The following PCDHGB4 variants were observed in gnomAD, a reference collection of about 807,000 sequenced individuals.
PCDHGB4 encodes the protein protocadherin gamma-B4.
In PCDHGB4, 38 loss-of-function variants were observed where a neutral mutation model predicts 60.5. The ratio of observed to expected loss-of-function variants is 0.63; its 90% CI spans 0.48 to 0.82. The LOEUF (loss-of-function observed/expected upper bound fraction) is 0.82. PCDHGB4 is among the 40% of genes least tolerant of loss of function. The pLI is 0.00. For synonymous variants in PCDHGB4, 456 were observed against 509.7 expected (o/e 0.89, Z 1.42); for missense variants, 1,109 against 1,209.6 (o/e 0.92, Z 1.23).
chr5:141,432,090 A>T lies in PCDHGB4; in HGVS notation c.2397+41809A>T. 1 of 1,614,164 alleles carries T rather than the reference A, an allele frequency of 6.2e-7. No homozygotes were observed. Among genetic ancestry groups the T allele is most frequent in the Non-Finnish European group, 8.5e-7 (1 of 1,180,034 alleles). On this transcript the variant is annotated intron_variant, in intron 1 of 3. Transcript: ENST00000519479. The surrounding 1 kb of genome is among the most constrained non-coding windows in gnomAD (Gnocchi z 6.0). ...ACTCATATCTCGCTGAACGTGGCAG[A>T]CACCAACGACAACCCGCCGGTCTTC... is the stretch of plus-strand genomic sequence containing the variant.
intron 1 of PCDHGB4, chr5:141,400,326 T>A: frequency 6.2e-7 from 1 of 1,614,104 alleles, no homozygotes; most frequent in Non-Finnish European, 8.5e-7. Flanking sequence ...AGTCTGGACC[T>A]GTGGTTCCCC....
chr5:141,421,272 G>A, intron 1 of PCDHGB4: 1 of 1,612,340 alleles, frequency 6.2e-7, no homozygotes, highest in Non-Finnish European at 8.5e-7. Context: ...GGCTGCTGCT[G>A]CTGCTGTGCA....
intron 1 of PCDHGB4, among the ~76,000 whole-genome samples, chr5:141,473,431 G>T (rs541546681): frequency 3.3e-5 from 5 of 152,148 alleles, no homozygotes; most frequent in Non-Finnish European, 7.3e-5. Flanking sequence ...CAGATACTTT[G>T]CTTATGCAAA....
chr5:141,402,430 C>T (rs1026560659), intron 1 of PCDHGB4, among the ~76,000 whole-genome samples: 2 of 151,802 alleles, frequency 1.3e-5, no homozygotes, highest in African/African-American at 4.8e-5. Flanking sequence ...ATTGAAGCAT[C>T]ATAAAAAGGA....
At chr5:141,421,489 G>A in intron 1 of PCDHGB4, 1 of 1,614,094 alleles carries the variant, frequency 6.2e-7, no homozygotes, top group Non-Finnish European at 8.5e-7. Flanking sequence ...CTTGATCACG[G>A]CAGGCAGGAT....
At position 141,486,478 on chromosome 5, in the gene PCDHGB4, C is replaced by T; in HGVS notation, c.2398-8329C>T. The T allele has an allele frequency of 2.5e-6, 4 of 1,614,026 alleles. No homozygotes were observed. The highest frequency in any genetic ancestry group is 3.4e-6 in the Non-Finnish European group (4 of 1,179,854). On this transcript the variant is annotated intron_variant, in intron 1 of 3. Transcript: ENST00000519479. The surrounding 1 kb of genome is among the most constrained non-coding windows in gnomAD (Gnocchi z 5.0). ...CTTCTGATGCTGGGAACCCTCCTCT[C>T]AGTACCCACAGAACTATTTTCCTCA...
In PCDHGB4 at chr5:141,432,198, AC is replaced by A. The variant is rs1345236539; in HGVS notation, c.2397+41918del. ...GTCTCTGTGACCGCCCACGACCCCG[AC>A]TGTGAAGAGAACGCCCAGATCACTT... is the stretch of plus-strand genomic sequence containing the variant. On this transcript the variant is annotated intron_variant, in intron 1 of 3. Coordinates refer to ENST00000519479, the MANE Select transcript of PCDHGB4 (RefSeq NM_003736.4). This position sits in a 1 kb window ranked among gnomAD's most constrained non-coding sequence, Gnocchi z 6.0. 6 of 1,613,998 alleles carry A rather than the reference AC, an allele frequency of 3.7e-6. No homozygotes were observed. Among genetic ancestry groups the A allele is most frequent in the Non-Finnish European group, 4.2e-6 (5 of 1,180,030 alleles).
Position 141,388,112 on chromosome 5 carries a change from C to T in PCDHGB4, c.228C>T (p.Thr76=), listed in dbSNP as rs1399745232. ...LRVSSEKPYF[T]VSAESGELLV... ...TCAGTTCGGAGAAGCCTTACTTCAC[C>T]GTGAGCGCAGAGAGCGGGGAGTTGC... is the stretch of plus-strand genomic sequence containing the variant. Residue 76 remains threonine, a synonymous_variant, in exon 1 of 4, where the codon ACC becomes ACT. Coordinates refer to ENST00000519479, the MANE Select transcript of PCDHGB4 (RefSeq NM_003736.4). The T allele has an allele frequency of 7.1e-7, 1 of 1,408,080 alleles. No individual in the cohort carries two copies. Among genetic ancestry groups the T allele is most frequent in the South Asian group, 1.2e-5 (1 of 80,354 alleles). The allele number at this position is 1,408,080 out of a possible 1,614,324, so 87.2% of individuals were successfully genotyped here.
In PCDHGB4 at chr5:141,511,125, A is replaced by T. The variant is rs755685600; in HGVS notation, c.2724A>T (p.Ala908=). Residue 908 remains alanine, a synonymous_variant, in exon 4 of 4, where the codon GCA becomes GCT. Transcript: ENST00000519479. ...GCAAGCGGGATGGCAAGGCCCCAGCAGGTGGCAATGGCAACAAGAAGAAGT... is the reference window on the plus strand; with the variant it reads ...GCAAGCGGGATGGCAAGGCCCCAGCTGGTGGCAATGGCAACAAGAAGAAGT... ...AAGKRDGKAP[A]GGNGNKKKSG... 2 of 1,614,216 alleles carry T rather than the reference A, an allele frequency of 1.2e-6. No individual in the cohort carries two copies. The highest frequency in any genetic ancestry group is 2.2e-5 in the South Asian group (2 of 91,092).
intron 1 of PCDHGB4, among the ~76,000 whole-genome samples, chr5:141,488,938 A>T (rs1195859645): frequency 6.6e-6 from 1 of 152,154 alleles, no homozygotes; most frequent in East Asian, 1.9e-4. Context: ...AGGAAACTCC[A>T]TAATTGGTTG....
chr5:141,498,254 G>A (rs550611179), intron 2 of PCDHGB4, among the ~76,000 whole-genome samples: 2 of 152,338 alleles, frequency 1.3e-5, no homozygotes, highest in East Asian at 3.9e-4. Context: ...AGCAGGGCTG[G>A]TGTTGAGTTC....
chr5:141,491,479 C>T lies in PCDHGB4; in HGVS notation c.2398-3328C>T. On this transcript the variant is annotated intron_variant, in intron 1 of 3. Transcript: ENST00000519479. The surrounding 1 kb of genome is among the most constrained non-coding windows in gnomAD (Gnocchi z 6.9). ...CCCGGACTTCTATAAGCAGTCCAGCCCCAACCTGCAGGTGAGCTCGGACGG... is the reference window on the plus strand; with the variant it reads ...CCCGGACTTCTATAAGCAGTCCAGCTCCAACCTGCAGGTGAGCTCGGACGG... 1 of 1,614,144 alleles carries T rather than the reference C, an allele frequency of 6.2e-7. No homozygotes were observed. Among genetic ancestry groups the T allele is most frequent in the Non-Finnish European group, 8.5e-7 (1 of 1,180,024 alleles).
In PCDHGB4 at chr5:141,487,198, T is replaced by C; in HGVS notation, c.2398-7609T>C. ...AAGACACTCATCCAGTTGTCCCAGA[T>C]CTTCGAGAATCTTCAGCTCCAAGGG... On this transcript the variant is annotated intron_variant, in intron 1 of 3. Transcript: ENST00000519479. The surrounding 1 kb of genome is among the most constrained non-coding windows in gnomAD (Gnocchi z 5.0). The C allele has an allele frequency of 6.2e-7, 1 of 1,613,854 alleles. No homozygotes were observed.
At chr5:141,421,974 C>T in intron 1 of PCDHGB4, 3 of 1,609,644 alleles carry the variant, frequency 1.9e-6, no homozygotes, top group African/African-American at 1.3e-5. Flanking sequence ...CCGTATATCG[C>T]GTGAGTGTTC....
At chr5:141,394,112 C>G (rs771784855) in intron 1 of PCDHGB4, 9 of 1,613,946 alleles carry the variant, frequency 5.6e-6, no homozygotes, top group African/African-American at 2.7e-5. Flanking sequence ...CACCTCTGTC[C>G]ACTGAAACTC....
At chr5:141,510,828 C>T in intron 3 of PCDHGB4, 119 bp from the exon 4 acceptor site, 18 of 1,572,154 alleles carry the variant, frequency 1.1e-5, no homozygotes, top group Non-Finnish European at 1.6e-5. Context: ...ATTCCCAGTG[C>T]TCAGCGTGGT....
chr5:141,428,324 T>C, intron 1 of PCDHGB4: 1 of 642,806 alleles, frequency 1.6e-6, no homozygotes, highest in Non-Finnish European at 2.8e-6. Flanking sequence ...TTGGCCTTGA[T>C]TTCTATGCTC....
At chr5:141,463,610 G>A (rs189991450) in intron 1 of PCDHGB4, among the ~76,000 whole-genome samples, 2 of 151,672 alleles carry the variant, frequency 1.3e-5, no homozygotes, top group Admixed American at 6.6e-5. Flanking sequence ...CACCATGCCC[G>A]GCTAATTTTT....
At position 141,511,397 on chromosome 5, in the gene PCDHGB4, C is replaced by A; in HGVS notation, c.*224C>A. ...AGCAGTTCCGCTGGGAACCCCCATC[C>A]AATCAACTGCTGTACCCATGGGGGT... On this transcript the variant is annotated 3_prime_UTR_variant, in exon 4 of 4. Coordinates refer to ENST00000519479, the MANE Select transcript of PCDHGB4 (RefSeq NM_003736.4). 1.0e-6 allele frequency: 1 copy of A among 1,002,376 alleles called. No individual in the cohort carries two copies. The highest frequency in any genetic ancestry group is 1.4e-6 in the Non-Finnish European group (1 of 705,546). 62.1% of individuals were successfully genotyped at this position (1,002,376 alleles called of 1,614,324 possible). A position where few individuals can be genotyped will look rare whatever the true frequency, so the allele number is the denominator to read the frequency against.
Sources: allele counts gnomAD v4.1 joint callset (sites outside exome capture counted in the v4.1 genomes callset), GRCh38; gene constraint gnomAD v4.1.1; non-coding constraint Gnocchi (gnomAD v3.1); transcripts MANE v1.5; gene names NCBI Gene and HGNC (gene_info 2026-07-23, HGNC 2026-07-21).